FGFR3: variants seen among roughly 807,000 people sequenced by gnomAD.
FGFR3 encodes fibroblast growth factor receptor 3.
Under a neutral mutation model 82.9 loss-of-function variants are expected in FGFR3, and 25 were observed. The ratio of observed to expected loss-of-function variants is 0.30; its 90% CI spans 0.22 to 0.42. FGFR3 has a LOEUF of 0.42. Ranked by LOEUF, FGFR3 falls within the 10% of genes least tolerant of loss-of-function variation. The pLI is 1.00. For missense variants in FGFR3, 1,026 were observed against 1,161.0 expected, an observed-to-expected ratio of 0.88 and a Z score of 1.69; for synonymous variants, 620 against 516.0, an observed-to-expected ratio of 1.20 and a Z score of -2.73.
At chr4:1,799,885 G>A in intron 4 of FGFR3, 73 bp downstream of exon 4, 1 of 1,544,850 alleles carries the variant, frequency 6.5e-7, no homozygotes, top group South Asian at 1.1e-5. Flanking sequence ...GCCCTTCACA[G>A]GCAGCTGAGG....
chr4:1,799,623 G>A, intron 3 of FGFR3, 100 bp downstream of exon 3: 1 of 1,550,856 alleles, frequency 6.4e-7, no homozygotes, highest in Admixed American at 2.0e-5. Flanking sequence ...TCTGGTCATT[G>A]GTGGAGAGGA....
In FGFR3 at chr4:1,794,352, C is replaced by T. The variant is rs3135834; in HGVS notation, c.109+309C>T. Among the ~76,000 whole-genome samples the T allele has an allele frequency of 0.096, 14,671 of 152,168 alleles. 1,820 individuals are homozygous for T. The highest frequency in any genetic ancestry group is 0.29 in the African/African-American group (11,958 of 41,494). ...CCTGTCGGGAGGGCGCGGGGGGCCCCATTTCCACGATTCCCGCTGTTGTTA... is the reference window on the plus strand; with the variant it reads ...CCTGTCGGGAGGGCGCGGGGGGCCCTATTTCCACGATTCCCGCTGTTGTTA... On this transcript the variant is annotated intron_variant, in intron 2 of 17. Coordinates refer to ENST00000440486, the MANE Select transcript of FGFR3 (RefSeq NM_000142.5).
rs1441648791 is a variant in FGFR3, at chr4:1,807,964, G to A, written c.*702G>A. On this transcript the variant is annotated 3_prime_UTR_variant, in exon 18 of 18. Coordinates refer to ENST00000440486, the MANE Select transcript of FGFR3 (RefSeq NM_000142.5). ...TGGTACAACGGAGGCCTGCGACCCT[G>A]GGGGCACAGGAGGCAGGCATGGCCC... 7.9e-6 allele frequency: 2 copies of A among 253,450 alleles called. No homozygotes were observed. Among genetic ancestry groups the A allele is most frequent in the Non-Finnish European group, 1.5e-5 (2 of 130,466 alleles). The allele number at this position is 253,450 out of a possible 1,614,324, so 15.7% of individuals were successfully genotyped here.
Position 1,799,822 on chromosome 4 carries a change from G to A in FGFR3, c.445+10G>A, listed in dbSNP as rs752293061. On this transcript the variant is annotated intron_variant, in intron 4 of 17. Coordinates refer to ENST00000440486, the MANE Select transcript of FGFR3 (RefSeq NM_000142.5). ...ACAGGTGTGGACACAGGTAGGAGCA[G>A]GGTCCAGGGTTCAGGCCAGCCGGGG... is the stretch of plus-strand genomic sequence containing the variant. 4.3e-6 allele frequency: 7 copies of A among 1,612,620 alleles called. No individual in the cohort carries two copies. The highest frequency in any genetic ancestry group is 5.9e-6 in the Non-Finnish European group (7 of 1,179,838).
At chr4:1,804,657 A>G in intron 9 of FGFR3, 137 bp downstream of exon 9, 1 of 1,419,952 alleles carries the variant, frequency 7.0e-7, no homozygotes, top group Non-Finnish European at 9.8e-7. Context: ...GTCTCTGCTC[A>G]CCATGTAGAG....
chr4:1,804,893 G>T lies in FGFR3; in HGVS notation c.1336G>T (p.Gly446Trp), dbSNP rs1721686579. ...PLVRIARLSSGEGPTLANVSE... is the reference protein window; with the variant it reads ...PLVRIARLSSWEGPTLANVSE... ...GGTGCGCATCGCAAGGCTGTCCTCAGGGGAGGGCCCCACGCTGGCCAATGT... is the reference window on the plus strand; with the variant it reads ...GGTGCGCATCGCAAGGCTGTCCTCATGGGAGGGCCCCACGCTGGCCAATGT... Residue 446 changes from glycine to tryptophan, a missense_variant, in exon 10 of 18, where the codon GGG becomes TGG. Physicochemically the swap from Gly to Trp is radical, Grantham distance 184 (BLOSUM62 -2). This residue lies in a region of FGFR3 where 256 missense variants were observed against 217.6 expected (regional missense o/e 1.18). Transcript: ENST00000440486. The T allele has an allele frequency of 1.9e-6, 3 of 1,550,054 alleles. No homozygotes were observed. Among genetic ancestry groups the T allele is most frequent in the Non-Finnish European group, 2.6e-6 (3 of 1,146,926 alleles).
Position 1,794,057 on chromosome 4 carries a change from C to A in FGFR3, c.109+14C>A. On this transcript the variant is annotated intron_variant, in intron 2 of 17. Coordinates refer to ENST00000440486, the MANE Select transcript of FGFR3 (RefSeq NM_000142.5). ...GGCGAGCGGCAGGTAAGAAGGGACCCACTAGGCACGGGAGAGGCCGGCCCG... is the reference window on the plus strand; with the variant it reads ...GGCGAGCGGCAGGTAAGAAGGGACCAACTAGGCACGGGAGAGGCCGGCCCG... The A allele has an allele frequency of 7.3e-7, 1 of 1,365,686 alleles. No homozygotes were observed. The highest frequency in any genetic ancestry group is 9.6e-7 in the Non-Finnish European group (1 of 1,040,664). The allele number at this position is 1,365,686 out of a possible 1,614,324, so 84.6% of individuals were successfully genotyped here. A position where few individuals can be genotyped will look rare whatever the true frequency, so the allele number is the denominator to read the frequency against.
At position 1,793,914 on chromosome 4, in the gene FGFR3, G is replaced by GCCGCGGC; in HGVS notation, c.-18_-12dup. The GCCGCGGC allele has an allele frequency of 8.6e-7, 1 of 1,168,840 alleles. No homozygotes were observed. Among genetic ancestry groups the GCCGCGGC allele is most frequent in the East Asian group, 3.6e-5 (1 of 27,536 alleles). The allele number at this position is 1,168,840 out of a possible 1,614,324, so 72.4% of individuals were successfully genotyped here. ...ATGCCCGCGCGCGCTGCCTGAGGACGCCGCGGCCCCCGCCCCCGCCATGGG... is the reference window on the plus strand; with the variant it reads ...ATGCCCGCGCGCGCTGCCTGAGGACGCCGCGGCCCGCGGCCCCCGCCCCCGCCATGGG... On this transcript the variant is annotated 5_prime_UTR_variant, in exon 2 of 18. Coordinates refer to ENST00000440486, the MANE Select transcript of FGFR3 (RefSeq NM_000142.5).
At chr4:1,806,960 C>T (rs763009782) in intron 17 of FGFR3, 26 bp downstream of exon 17, 126 of 1,569,466 alleles carry the variant, frequency 8.0e-5, no homozygotes, top group Non-Finnish European at 1.1e-4. Context: ...GGCCTGGTGC[C>T]ACCCGCCTAT....
intron 4 of FGFR3, 137 bp from the exon 5 acceptor site, chr4:1,801,230 C>G (rs1029848184): frequency 1.0e-6 from 1 of 982,662 alleles, no homozygotes. Flanking sequence ...CTCCTGGGAA[C>G]CTCATCCCGC....
intron 10 of FGFR3, 97 bp from the exon 11 acceptor site, chr4:1,805,258 C>G (rs1721739277): frequency 6.3e-7 from 1 of 1,582,298 alleles, no homozygotes. Flanking sequence ...GGTGGTGGCT[C>G]TGGGCCTCAA....
At chr4:1,804,180 C>G (rs1721562190) in intron 8 of FGFR3, 150 bp from the exon 9 acceptor site, 1 of 900,824 alleles carries the variant, frequency 1.1e-6, no homozygotes, top group South Asian at 1.7e-5. Context: ...ACTGGCGTTA[C>G]TGACTGCGAG....
rs1253309065 is a variant in FGFR3, at chr4:1,808,300, GGTT to G, written c.*1042_*1044del. 2 of 232,710 alleles carry G rather than the reference GGTT, an allele frequency of 8.6e-6. No individual in the cohort carries two copies. The highest frequency in any genetic ancestry group is 5.6e-5 in the Admixed American group (1 of 17,754). The allele number at this position is 232,710 out of a possible 1,614,324, so 14.4% of individuals were successfully genotyped here. ...TGGAGGATCCCCTCCAAGCCTAAAA[GGTT>G]GTTAATAGTTGGAGGTGATTCCAGT... On this transcript the variant is annotated 3_prime_UTR_variant, in exon 18 of 18. Transcript: ENST00000440486.
At position 1,801,865 on chromosome 4, in the gene FGFR3, C is replaced by T. The variant is rs949596399; in HGVS notation, c.770C>T (p.Ala257Val). Residue 257 changes from alanine to valine, a missense_variant, in exon 7 of 18, where the codon GCG becomes GTG. Ala to Val is a moderately conservative substitution (Grantham distance 64). Coordinates refer to ENST00000440486, the MANE Select transcript of FGFR3 (RefSeq NM_000142.5). ...TCCCCGCACCGGCCCATCCTGCAGGCGGGGCTGCCGGCCAACCAGACGGCG... is the reference window on the plus strand; with the variant it reads ...TCCCCGCACCGGCCCATCCTGCAGGTGGGGCTGCCGGCCAACCAGACGGCG... ...ERSPHRPILQ[A>V]GLPANQTAVL... 2.5e-6 allele frequency: 4 copies of T among 1,607,540 alleles called. No homozygotes were observed. Among genetic ancestry groups the T allele is most frequent in the African/African-American group, 1.3e-5 (1 of 74,844 alleles).
rs1721784621 is a variant in FGFR3 at position 1,805,539 on chromosome 4, G to GC, written c.1535-14dup. 4 of 1,612,824 alleles carry GC rather than the reference G, an allele frequency of 2.5e-6. No individual in the cohort carries two copies. Among genetic ancestry groups the GC allele is most frequent in the Non-Finnish European group, 3.4e-6 (4 of 1,179,798 alleles). On this transcript the variant is annotated intron_variant, in intron 11 of 17. Transcript: ENST00000440486. ...GGGGCGCCGCCGCCGCCTGACACAG[G>GC]CCCCCCGCTCCGTGCACAGACGATG...
chr4:1,795,169 G>A (rs1295513320), intron 2 of FGFR3, among the ~76,000 whole-genome samples: 1 of 152,094 alleles, frequency 6.6e-6, no homozygotes, highest in Admixed American at 6.5e-5. Context: ...GTCATTCAGC[G>A]GCGTGACAGG....
chr4:1,807,170 A>G lies in FGFR3; in HGVS notation c.2329A>G (p.Thr777Ala), dbSNP rs1157326222. Residue 777 changes from threonine to alanine, a missense_variant, in exon 18 of 18, where the codon ACC becomes GCC. Physicochemically the swap from Thr to Ala is moderately conservative, Grantham distance 58. This residue lies in a region of FGFR3 where 155 missense variants were observed against 150.2 expected (regional missense o/e 1.03). Transcript: ENST00000440486. ...FEQYSPGGQD[T>A]PSSSSSGDDS... ...GCAGTACTCCCCGGGTGGCCAGGAC[A>G]CCCCCAGCTCCAGCTCCTCAGGGGA... 1 of 1,601,754 alleles carries G rather than the reference A, an allele frequency of 6.2e-7. No individual in the cohort carries two copies. Among genetic ancestry groups the G allele is most frequent in the Non-Finnish European group, 8.5e-7 (1 of 1,175,154 alleles).
At chr4:1,794,127 G>A in intron 2 of FGFR3, 84 bp downstream of exon 2, 1 of 750,876 alleles carries the variant, frequency 1.3e-6, no homozygotes, top group South Asian at 4.3e-5. Context: ...CGGGTCGGAG[G>A]GGCCGCCGGG....
chr4:1,807,195 A>G lies in FGFR3; in HGVS notation c.2354A>G (p.Asp785Gly), dbSNP rs2108817879. ...ACCCCCAGCTCCAGCTCCTCAGGGG[A>G]CGACTCCGTGTTTGCCCACGACCTG... ...QDTPSSSSSG[D>G]DSVFAHDLLP... Residue 785 changes from aspartate (D) to glycine (G), a missense_variant, in exon 18 of 18, where the codon GAC becomes GGC. Around this residue, in one of 9 missense-constraint regions of FGFR3, gnomAD observed 155 missense variants for 150.2 expected, o/e 1.03. Transcript: ENST00000440486. 6.2e-7 allele frequency: 1 copy of G among 1,607,650 alleles called. No homozygotes were observed. The highest frequency in any genetic ancestry group is 8.5e-7 in the Non-Finnish European group (1 of 1,177,856).
Sources: gnomAD v4.1 joint callset for allele counts (sites outside exome capture counted in the v4.1 genomes callset) on GRCh38, gnomAD v4.1.1 for gene constraint, gnomAD v4.1.1 regional missense constraint, MANE v1.5 for transcripts, NCBI Gene and HGNC (gene_info 2026-07-23, HGNC 2026-07-21) for gene names.